The following REG4 variants were observed in gnomAD, a reference collection of about 807,000 sequenced individuals.
REG4 encodes the protein regenerating family member 4.
Under a neutral mutation model 22.3 loss-of-function variants are expected in REG4, and 16 were observed. That is an observed-to-expected ratio of 0.72 (90% confidence interval 0.49 to 1.09). The LOEUF (loss-of-function observed/expected upper bound fraction) is 1.09. Ranked by LOEUF, REG4 falls within the 50% of genes least tolerant of loss-of-function variation. The probability of loss-of-function intolerance (pLI) is 0.00; values close to 1 mark genes in which losing one functional copy is unlikely to be tolerated. For missense variants in REG4, 214 were observed against 193.9 expected (o/e 1.10, Z -0.61); for synonymous variants, 71 against 69.2 (o/e 1.03, Z -0.13).
rs1247972762 is a variant in REG4, at chr1:119,795,459, G to A, written c.410-774C>T. On this transcript the variant is annotated intron_variant, in intron 5 of 5. Transcript: ENST00000256585. ...CCATCTGCTTATGAAAAAGGAGAGAGCCCAAGGCGGAGGTGGCCTTTTGAA... is the reference window on the plus strand; with the variant it reads ...CCATCTGCTTATGAAAAAGGAGAGAACCCAAGGCGGAGGTGGCCTTTTGAA... 3.3e-5 allele frequency among the ~76,000 whole-genome samples: 5 copies of A among 152,208 alleles called. No individual in the cohort carries two copies. The East Asian group carries it at 7.7e-4, about 23-fold the overall frequency.
rs192223616 is a variant in REG4, at chr1:119,802,410, G to A, written c.165+658C>T. The A allele has an allele frequency of 4.1e-3, 4,109 of 990,238 alleles. 9 individuals carry two copies. Among genetic ancestry groups the A allele is most frequent in the Non-Finnish European group, 4.5e-3 (3,732 of 833,424 alleles). The allele number at this position is 990,238 out of a possible 1,614,324, so 61.3% of individuals were successfully genotyped here. A position where few individuals can be genotyped will look rare whatever the true frequency, so the allele number is the denominator to read the frequency against. ...TTTGTTTTCTGTTTTTCATTGTCTA[G>A]TTTTATACAGGGATTGTAAGACCGC... is the stretch of plus-strand genomic sequence containing the variant. On this transcript the variant is annotated intron_variant, in intron 3 of 5. Coordinates refer to ENST00000256585, the MANE Select transcript of REG4 (RefSeq NM_032044.4).
At chr1:119,803,421 G>A (rs1393702505) in intron 2 of REG4, among the ~76,000 whole-genome samples, 2 of 152,258 alleles carry the variant, frequency 1.3e-5, no homozygotes, top group Middle Eastern at 3.4e-3. Flanking sequence ...CCAAGAAAAC[G>A]TCACTGCGGT....
At chr1:119,806,057 G>A (rs184259944) in intron 2 of REG4, among the ~76,000 whole-genome samples, 1 of 152,156 alleles carries the variant, frequency 6.6e-6, no homozygotes, top group Non-Finnish European at 1.5e-5. Flanking sequence ...TCAGCCTCCT[G>A]AGTAGCTGGG....
intron 5 of REG4, among the ~76,000 whole-genome samples, chr1:119,795,702 A>T (rs898980250): frequency 1.3e-5 from 2 of 151,548 alleles, no homozygotes; most frequent in African/African-American, 4.9e-5. Flanking sequence ...TGCCCCTCCC[A>T]CTCCTGGTTC....
intron 1 of REG4, 152 bp from the exon 2 acceptor site, chr1:119,809,015 G>C (rs949351082): frequency 2.3e-6 from 1 of 432,640 alleles, no homozygotes. Flanking sequence ...AATTTTAAGA[G>C]ATTTTGTTCT....
At position 119,794,844 on chromosome 1, in the gene REG4, C is replaced by T. The variant is rs587729334; in HGVS notation, c.410-159G>A. Among the ~76,000 whole-genome samples the T allele has an allele frequency of 6.6e-5, 10 of 152,244 alleles. No homozygotes were observed. The South Asian group carries it at 8.3e-4, about 13-fold the overall frequency. ...ATGATGTACAGTTGTTTGATTGCTG[C>T]GAAGGTGTTTTTTAGCTGTGATTAA... On this transcript the variant is annotated intron_variant, in intron 5 of 5. Transcript: ENST00000256585.
At chr1:119,810,622 C>T (rs140171734) in intron 1 of REG4, among the ~76,000 whole-genome samples, 228 of 152,290 alleles carry the variant, frequency 1.5e-3, no homozygotes, top group African/African-American at 5.1e-3. Flanking sequence ...GTCCTCAAAC[C>T]CCTTTAAAAC....
At chr1:119,801,897 C>T (rs1654114226) in intron 3 of REG4, 1 of 152,148 alleles carries the variant, frequency 6.6e-6, no homozygotes, top group Admixed American at 6.5e-5. Context: ...TTATGCGAGT[C>T]GTTTTAATGA....
chr1:119,802,493 G>C, intron 3 of REG4: 1 of 1,033,098 alleles, frequency 9.7e-7, no homozygotes, highest in Non-Finnish European at 1.2e-6. Flanking sequence ...TCACAATTCA[G>C]CAGCATCCAC....
At chr1:119,796,958 G>T (rs1212938003) in intron 5 of REG4, among the ~76,000 whole-genome samples, 1 of 152,238 alleles carries the variant, frequency 6.6e-6, no homozygotes, top group Non-Finnish European at 1.5e-5. Context: ...CCCAAAGCAG[G>T]TCTGGCCTCC....
chr1:119,810,362 TAAA>T (rs1654458828), intron 1 of REG4, among the ~76,000 whole-genome samples: 1 of 152,194 alleles, frequency 6.6e-6, no homozygotes, highest in African/African-American at 2.4e-5. Context: ...ACTTTATGAT[TAAA>T]AAATCTGAAT....
chr1:119,798,670 T>A, intron 4 of REG4, 68 bp from the exon 5 acceptor site: 1 of 1,129,960 alleles, frequency 8.8e-7, no homozygotes, highest in Non-Finnish European at 1.3e-6. Context: ...GGAAGTCCCC[T>A]CAGTCCCCTT....
At chr1:119,795,150 C>G (rs587754716) in intron 5 of REG4, among the ~76,000 whole-genome samples, 2 of 152,224 alleles carry the variant, frequency 1.3e-5, no homozygotes, top group African/African-American at 4.8e-5. Flanking sequence ...CATCCAACTA[C>G]TTCTGTTTCC....
intron 2 of REG4, among the ~76,000 whole-genome samples, chr1:119,807,075 A>G (rs1431165306): frequency 6.6e-6 from 1 of 152,228 alleles, no homozygotes; most frequent in Non-Finnish European, 1.5e-5. Flanking sequence ...GAAGTTTTTT[A>G]GTGTCCATAA....
intron 2 of REG4, among the ~76,000 whole-genome samples, chr1:119,807,214 T>C (rs766314985): frequency 2.0e-5 from 3 of 152,324 alleles, no homozygotes; most frequent in Non-Finnish European, 2.9e-5. Flanking sequence ...CAAGGTCTCA[T>C]TGAGAGAGAA....
rs1653874529 is a variant in REG4, at chr1:119,794,546, C to T, written c.*72G>A. On this transcript the variant is annotated 3_prime_UTR_variant, in exon 6 of 6. Transcript: ENST00000256585. The stretch of plus-strand genomic sequence containing the variant: ...TAGGTTTCCCCTCTGAAATAATGAG[C>T]AGATTTAGCCAGGCTAGCAGAAAGG... 1 of 1,351,802 alleles carries T rather than the reference C, an allele frequency of 7.4e-7. No individual in the cohort carries two copies. Among genetic ancestry groups the T allele is most frequent in the Non-Finnish European group, 1.1e-6 (1 of 941,360 alleles). The allele number at this position is 1,351,802 out of a possible 1,614,324, so 83.7% of individuals were successfully genotyped here.
chr1:119,794,744 T>TA lies in REG4; in HGVS notation c.410-60_410-59insT, dbSNP rs1653884251. The TA allele has an allele frequency of 5.5e-6, 8 of 1,466,118 alleles. No individual in the cohort carries two copies. In the Admixed American group the frequency reaches 1.0e-4, roughly 18 times the overall value. 90.8% of individuals were successfully genotyped at this position (1,466,118 alleles called of 1,614,324 possible). ...CAGTACTATACTGAGCTTGCCAGAG[T>TA]TATCTGGGTGTTTTTCTTGGAAGCA... On this transcript the variant is annotated intron_variant, in intron 5 of 5. Transcript: ENST00000256585.
chr1:119,798,828 C>A (rs1320808421), intron 4 of REG4, among the ~76,000 whole-genome samples: 2 of 152,108 alleles, frequency 1.3e-5, no homozygotes, highest in Admixed American at 1.3e-4. Flanking sequence ...TTTACTCCAT[C>A]TGAATGACAG....
chr1:119,805,993 G>T (rs192585553), intron 2 of REG4, among the ~76,000 whole-genome samples: 1 of 152,114 alleles, frequency 6.6e-6, no homozygotes, highest in Non-Finnish European at 1.5e-5. Context: ...GGGCAGCGGC[G>T]CCATCTCGGC....
Sources: gnomAD v4.1 joint callset for allele counts (sites outside exome capture counted in the v4.1 genomes callset) on GRCh38, gnomAD v4.1.1 for gene constraint, MANE v1.5 for transcripts, NCBI Gene and HGNC (gene_info 2026-07-23, HGNC 2026-07-21) for gene names.